GPHN: variants seen among roughly 807,000 people sequenced by gnomAD.
GPHN encodes gephyrin.
A neutral mutation model predicts 95.5 loss-of-function variants in GPHN; 17 were observed. The ratio of observed to expected loss-of-function variants is 0.18; its 90% CI spans 0.12 to 0.27. The LOEUF (loss-of-function observed/expected upper bound fraction) is 0.27, where lower values mean the gene tolerates loss of function less well. Ranked by LOEUF, GPHN falls within the 10% of genes least tolerant of loss-of-function variation. The probability of loss-of-function intolerance (pLI) is 1.00; values close to 1 mark genes in which losing one functional copy is unlikely to be tolerated. For synonymous variants in GPHN, 320 were observed against 322.5 expected (o/e 0.99, Z 0.08); for missense variants, 660 against 978.1 (o/e 0.67, Z 4.34).
chr14:67,544,712 AGT>A, the GPHN span, among the ~76,000 whole-genome samples: 1 of 152,272 alleles, frequency 6.6e-6, no homozygotes, highest in Non-Finnish European at 1.5e-5. Context: ...AATAAGTGAA[AGT>A]GTTTTTATTG....
At chr14:67,125,046 C>G (rs2079217207) in intron 17 of GPHN, among the ~76,000 whole-genome samples, 2 of 151,980 alleles carry the variant, frequency 1.3e-5, no homozygotes, top group Non-Finnish European at 1.5e-5. Context: ...CAGGTTAAGG[C>G]AATTCAGTGA....
chr14:67,698,888 G>A, the GPHN span, among the ~76,000 whole-genome samples: 1 of 152,126 alleles, frequency 6.6e-6, no homozygotes, highest in Non-Finnish European at 1.5e-5. Context: ...AACAAACAGT[G>A]GGCTGCATTT....
In GPHN at chr14:67,122,296, G is replaced by A. The variant is rs1184283854; in HGVS notation, c.1667G>A (p.Arg556Gln). 2 of 1,613,320 alleles carry A rather than the reference G, an allele frequency of 1.2e-6. No individual in the cohort carries two copies. The highest frequency in any genetic ancestry group is 1.1e-5 in the South Asian group (1 of 91,046). Reference sequence around the variant, plus strand: ...GATGACCTCTTACCAGGGAAGATTCGAGACAGCAATCGTTCAACTCTTCTA... The same window carrying A: ...GATGACCTCTTACCAGGGAAGATTCAAGACAGCAATCGTTCAACTCTTCTA... Reference protein sequence around the residue: ...PEDDLLPGKIRDSNRSTLLAT... With the variant: ...PEDDLLPGKIQDSNRSTLLAT... The change falls in exon 17 of 23, where the codon CGA (arginine) becomes CAA (glutamine). Residue 556 changes from arginine (R) to glutamine (Q), a missense_variant. This residue lies in a region of GPHN where 257 missense variants were observed against 376.2 expected (regional missense o/e 0.68). Transcript: ENST00000478722.
chr14:66,561,123 G>A (rs1368549494), intron 1 of GPHN, among the ~76,000 whole-genome samples: 2 of 152,072 alleles, frequency 1.3e-5, no homozygotes, highest in Admixed American at 6.6e-5. Flanking sequence ...GCTTTTTGAT[G>A]TGCTGCTGGA....
chr14:67,059,832 C>T (rs1190769519), intron 11 of GPHN, among the ~76,000 whole-genome samples: 1 of 152,072 alleles, frequency 6.6e-6, no homozygotes, highest in East Asian at 1.9e-4. Context: ...ATATGCATAT[C>T]ATTAGGCTTA....
In GPHN at chr14:67,046,297, G is replaced by T. The variant is rs187498747; in HGVS notation, c.1007-12352G>T. Among the ~76,000 whole-genome samples, 100 of 152,164 alleles carry T rather than the reference G, an allele frequency of 6.6e-4. 2 individuals carry two copies. Among genetic ancestry groups the T allele is most frequent in the Admixed American group, 5.2e-4 (8 of 15,274 alleles). On this transcript the variant is annotated intron_variant, in intron 10 of 22. Transcript: ENST00000478722. Reference sequence around the variant, plus strand: ...TTTGAGCACTTTCTTACTGAAAACAGTTGTGAAGGAAGAGTTGTAATTTCC... The same window carrying T: ...TTTGAGCACTTTCTTACTGAAAACATTTGTGAAGGAAGAGTTGTAATTTCC...
rs138148928 is a variant in GPHN, at chr14:67,140,007, C to A, written c.1749-3355C>A. 3.0e-3 allele frequency among the ~76,000 whole-genome samples: 450 copies of A among 152,208 alleles called. 1 individual carries two copies. Among genetic ancestry groups the A allele is most frequent in the Non-Finnish European group, 5.3e-3 (363 of 68,008 alleles). Reference sequence around the variant, plus strand: ...CAAAATCCCTTTCAGCTGATTTCTGCAAATTAGAAAATTTCATGTAGAGAA... The same window carrying A: ...CAAAATCCCTTTCAGCTGATTTCTGAAAATTAGAAAATTTCATGTAGAGAA... On this transcript the variant is annotated intron_variant, in intron 17 of 22. Coordinates refer to ENST00000478722, the MANE Select transcript of GPHN (RefSeq NM_020806.5).
At chr14:67,262,855 A>G in the GPHN span, among the ~76,000 whole-genome samples, 1 of 152,176 alleles carries the variant, frequency 6.6e-6, no homozygotes, top group East Asian at 1.9e-4. Flanking sequence ...ATTATTAGCC[A>G]TATACAGCAA....
intron 1 of GPHN, among the ~76,000 whole-genome samples, chr14:66,518,488 C>T (rs2058344712): frequency 1.3e-5 from 2 of 152,138 alleles, no homozygotes; most frequent in Admixed American, 1.3e-4. Flanking sequence ...CACCACTCGG[C>T]ACTTACCCAA....
the GPHN span, among the ~76,000 whole-genome samples, chr14:67,250,326 A>AC: frequency 6.6e-6 from 1 of 152,186 alleles, no homozygotes; most frequent in African/African-American, 2.4e-5. Context: ...AGCTGTGACT[A>AC]CTGTTTGATG....
At chr14:66,784,695 T>C (rs934023257) in intron 3 of GPHN, among the ~76,000 whole-genome samples, 3 of 152,134 alleles carry the variant, frequency 2.0e-5, no homozygotes, top group Non-Finnish European at 4.4e-5. Context: ...TATATTGTAA[T>C]ACTGAGAACA....
the GPHN span, among the ~76,000 whole-genome samples, chr14:67,420,510 G>A: frequency 1.3e-5 from 2 of 152,200 alleles, no homozygotes; most frequent in Non-Finnish European, 2.9e-5. Flanking sequence ...GGAGTTCCCT[G>A]TAGAGAAACT....
chr14:67,609,465 A>G, the GPHN span, among the ~76,000 whole-genome samples: 1 of 152,112 alleles, frequency 6.6e-6, no homozygotes, highest in Non-Finnish European at 1.5e-5. Context: ...CAGAGGCTTC[A>G]TTATGTAGGG....
chr14:66,988,525 T>A (rs1257590372), intron 9 of GPHN, among the ~76,000 whole-genome samples: 1 of 152,052 alleles, frequency 6.6e-6, no homozygotes, highest in African/African-American at 2.4e-5. Flanking sequence ...TAGACTTAAC[T>A]CAGACTCTTT....
the GPHN span, chr14:67,647,094 G>A: frequency 2.0e-6 from 2 of 1,000,926 alleles, no homozygotes; most frequent in East Asian, 2.4e-5. Context: ...GTTTCTTGAG[G>A]ACAGCAGCTT....
At chr14:67,729,709 G>T in the GPHN span, 1 of 540,090 alleles carries the variant, frequency 1.9e-6, no homozygotes. Context: ...TTAAGCTTTT[G>T]GCTCACTTGA....
chr14:67,328,662 T>G, the GPHN span, among the ~76,000 whole-genome samples: 1 of 152,218 alleles, frequency 6.6e-6, no homozygotes, highest in African/African-American at 2.4e-5. Flanking sequence ...GTATAAGGTG[T>G]AAGGAAGGGA....
the GPHN span, chr14:67,647,837 G>C: frequency 1.8e-6 from 1 of 568,090 alleles, no homozygotes. Context: ...ACAAATGGCA[G>C]TATCATGAAG....
chr14:67,233,282 T>C, the GPHN span, among the ~76,000 whole-genome samples: 1 of 152,004 alleles, frequency 6.6e-6, no homozygotes, highest in Non-Finnish European at 1.5e-5. Flanking sequence ...GCTGGGACTA[T>C]AGGCATGTGC....
Sources: allele counts gnomAD v4.1 joint callset (sites outside exome capture counted in the v4.1 genomes callset), GRCh38; gene constraint gnomAD v4.1.1; regional missense constraint gnomAD v4.1.1; transcripts MANE v1.5; gene names NCBI Gene and HGNC (gene_info 2026-07-23, HGNC 2026-07-21).